ZBTB7C: variants seen among roughly 807,000 people sequenced by gnomAD.
The protein encoded by ZBTB7C is zinc finger and BTB domain-containing protein 7C.
ZBTB7C carries 8 observed loss-of-function variants against 25.7 expected under a neutral mutation model. The observed-to-expected ratio is 0.31, with a 90% CI of 0.18 to 0.56. ZBTB7C has a LOEUF of 0.56. Ranked by LOEUF, ZBTB7C falls within the 20% of genes least tolerant of loss-of-function variation. The probability of loss-of-function intolerance (pLI) is 0.91; values close to 1 mark genes in which losing one functional copy is unlikely to be tolerated. For synonymous variants in ZBTB7C, 394 were observed against 369.0 expected, an observed-to-expected ratio of 1.07 and a Z score of -0.78; for missense variants, 824 against 855.2, an observed-to-expected ratio of 0.96 and a Z score of 0.46.
chr18:48,410,500 G>A (rs1326783029), upstream of ZBTB7C, among the ~76,000 whole-genome samples: 1 of 152,238 alleles, frequency 6.6e-6, no homozygotes, highest in Non-Finnish European at 1.5e-5. Context: ...CGGGGCAGGA[G>A]AATCTCGCTG....
chr18:48,234,157 AC>A (rs1271798096), intron 2 of ZBTB7C, among the ~76,000 whole-genome samples: 4 of 151,800 alleles, frequency 2.6e-5, no homozygotes, highest in African/African-American at 7.3e-5. Flanking sequence ...AAAAAAAAAA[AC>A]AACCCTTCTT....
chr18:48,242,212 T>A (rs150105658), intron 2 of ZBTB7C, among the ~76,000 whole-genome samples: 45 of 152,098 alleles, frequency 3.0e-4, no homozygotes, highest in African/African-American at 1.0e-3. Context: ...ATAAAAAAAT[T>A]GTCAACAAAA....
intron 2 of ZBTB7C, among the ~76,000 whole-genome samples, chr18:48,303,485 A>G (rs1180110208): frequency 6.6e-6 from 1 of 152,232 alleles, no homozygotes; most frequent in African/African-American, 2.4e-5. Flanking sequence ...TCCTGACACT[A>G]CAAGTTCATT....
chr18:48,373,609 G>A (rs1458007610), intron 1 of ZBTB7C, among the ~76,000 whole-genome samples: 2 of 152,162 alleles, frequency 1.3e-5, no homozygotes. Flanking sequence ...AAATGGCTTG[G>A]ACCATCCCCT....
At chr18:48,372,237 G>A (rs1289094469) in intron 1 of ZBTB7C, among the ~76,000 whole-genome samples, 1 of 152,140 alleles carries the variant, frequency 6.6e-6, no homozygotes, top group Non-Finnish European at 1.5e-5. Context: ...CTCTATGCTT[G>A]AAGCCCTCTA....
chr18:48,134,967 T>C (rs1281590541), intron 3 of ZBTB7C, among the ~76,000 whole-genome samples: 3 of 152,184 alleles, frequency 2.0e-5, no homozygotes, highest in Admixed American at 2.0e-4. Context: ...GACTGCAGCA[T>C]GGAGACTCCA....
At chr18:48,288,213 GTGGACTGA>G (rs535607319) in intron 2 of ZBTB7C, among the ~76,000 whole-genome samples, 11 of 152,364 alleles carry the variant, frequency 7.2e-5, no homozygotes, top group Non-Finnish European at 1.6e-4. Flanking sequence ...TAATATTACA[GTGGACTGA>G]ATGTTTATGT....
intron 2 of ZBTB7C, among the ~76,000 whole-genome samples, chr18:48,277,300 GA>G (rs1228420451): frequency 6.8e-6 from 1 of 146,938 alleles, no homozygotes; most frequent in Non-Finnish European, 1.5e-5. Flanking sequence ...AAATTTACAA[GA>G]AAAAAACAAA....
At chr18:48,182,452 C>T (rs1416474084) in intron 3 of ZBTB7C, among the ~76,000 whole-genome samples, 1 of 152,180 alleles carries the variant, frequency 6.6e-6, no homozygotes, top group Non-Finnish European at 1.5e-5. Flanking sequence ...GCCCTACAGC[C>T]TGGAATTCAA....
chr18:48,295,856 A>G (rs1229858537), intron 2 of ZBTB7C, among the ~76,000 whole-genome samples: 1 of 152,270 alleles, frequency 6.6e-6, no homozygotes, highest in East Asian at 1.9e-4. Flanking sequence ...CGAGTGGGGA[A>G]GAGATAGGGG....
intron 1 of ZBTB7C, among the ~76,000 whole-genome samples, chr18:48,356,551 A>G (rs1426196996): frequency 1.3e-5 from 2 of 152,090 alleles, no homozygotes; most frequent in Non-Finnish European, 2.9e-5. Context: ...AGGTCCCCAC[A>G]CCTTTTCACA....
At chr18:48,071,073 T>G (rs2037523593) in intron 3 of ZBTB7C, among the ~76,000 whole-genome samples, 1 of 152,198 alleles carries the variant, frequency 6.6e-6, no homozygotes, top group Non-Finnish European at 1.5e-5. Flanking sequence ...TAGTACATAG[T>G]AGGAACTTAA....
chr18:48,029,835 A>T lies in ZBTB7C; in HGVS notation c.1285T>A (p.Phe429Ile). Residue 429 changes from phenylalanine (F) to isoleucine (I), a missense_variant, in exon 5 of 5, where the codon TTC becomes ATC. By Grantham distance (21) the Phe-to-Ile change is conservative. Coordinates refer to ENST00000590800, the MANE Select transcript of ZBTB7C (RefSeq NM_001318841.2). ...TTCTTGAGGTCGTAGTTGTGCACGA[A>T]CTTGGCGTTGCAGTGGATGCACAGG... Reference protein sequence around the residue: ...PYLCIHCNAKFVHNYDLKNHM... With the variant: ...PYLCIHCNAKIVHNYDLKNHM... 1 of 1,610,268 alleles carries T rather than the reference A, an allele frequency of 6.2e-7. No individual in the cohort carries two copies. Among genetic ancestry groups the T allele is most frequent in the Non-Finnish European group, 8.5e-7 (1 of 1,179,982 alleles).
Position 48,268,629 on chromosome 18 carries a change from A to T in ZBTB7C, c.-79+69545T>A, listed in dbSNP as rs72907492. On this transcript the variant is annotated intron_variant, in intron 2 of 4. Transcript: ENST00000590800. ...ATTCTCAATAAACTGGCTTAGCAGG[A>T]TTCTTTGCTAAAACTGGGCTCAGCT... 5.1e-4 allele frequency among the ~76,000 whole-genome samples: 77 copies of T among 152,342 alleles called. 1 individual carries two copies. Among genetic ancestry groups the T allele is most frequent in the South Asian group, 2.5e-3 (12 of 4,824 alleles).
At chr18:48,237,369 T>C (rs71355337) in intron 2 of ZBTB7C, among the ~76,000 whole-genome samples, 3,304 of 151,616 alleles carry the variant, frequency 0.022, 62 homozygotes, top group Middle Eastern at 0.041. Context: ...GCTGAGAACC[T>C]AGGAAACAGT....
chr18:48,309,094 G>A (rs369208865), intron 2 of ZBTB7C, among the ~76,000 whole-genome samples: 2 of 152,278 alleles, frequency 1.3e-5, no homozygotes, highest in South Asian at 2.1e-4. Flanking sequence ...ACAGGACTGC[G>A]GAGATGAGGG....
chr18:48,113,668 C>T (rs779705778), intron 3 of ZBTB7C, among the ~76,000 whole-genome samples: 42 of 150,240 alleles, frequency 2.8e-4, no homozygotes, highest in Non-Finnish European at 5.3e-4. Context: ...CATGTGCAAA[C>T]GATGAACTCA....
intron 3 of ZBTB7C, among the ~76,000 whole-genome samples, chr18:48,114,765 C>T (rs1181536441): frequency 2.0e-5 from 3 of 152,198 alleles, no homozygotes; most frequent in Admixed American, 1.3e-4. Flanking sequence ...ACTACAGCCA[C>T]CTGCTTCAAG....
intron 3 of ZBTB7C, among the ~76,000 whole-genome samples, chr18:48,158,815 C>G (rs570773997): frequency 6.6e-6 from 1 of 152,308 alleles, no homozygotes; most frequent in South Asian, 2.1e-4. Flanking sequence ...CCTGTCCATC[C>G]ATCTCGAGGT....
Sources: allele counts gnomAD v4.1 joint callset (sites outside exome capture counted in the v4.1 genomes callset), GRCh38; gene constraint gnomAD v4.1.1; transcripts MANE v1.5; gene names NCBI Gene and HGNC (gene_info 2026-07-23, HGNC 2026-07-21).